The following GALNT9 variants were observed in gnomAD, a reference collection of about 807,000 sequenced individuals.
The protein encoded by GALNT9 is polypeptide N-acetylgalactosaminyltransferase 9, also known as GalNAc transferase 9.
In GALNT9, 47 loss-of-function variants were observed where a neutral mutation model predicts 63.1. That is an observed-to-expected ratio of 0.75 (90% confidence interval 0.59 to 0.95). The LOEUF is 0.95. GALNT9 is among the 40% of genes least tolerant of loss of function. The probability of loss-of-function intolerance (pLI) is 0.00; values close to 1 mark genes in which losing one functional copy is unlikely to be tolerated. For synonymous variants in GALNT9, 396 were observed against 365.7 expected, an observed-to-expected ratio of 1.08 and a Z score of -0.94; for missense variants, 829 against 874.8, an observed-to-expected ratio of 0.95 and a Z score of 0.66.
chr12:132,239,092 G>T (rs1878106411), intron 6 of GALNT9, among the ~76,000 whole-genome samples: 3 of 151,854 alleles, frequency 2.0e-5, no homozygotes, highest in Admixed American at 2.0e-4. Flanking sequence ...AGAGAACGGG[G>T]GTACTTTTCA....
intron 6 of GALNT9, among the ~76,000 whole-genome samples, chr12:132,237,384 C>A (rs1364009887): frequency 6.6e-6 from 1 of 151,772 alleles, no homozygotes; most frequent in Non-Finnish European, 1.5e-5. Flanking sequence ...CTGCTTATAC[C>A]GTACACAGGT....
Position 132,329,185 on chromosome 12 carries a change from T to C in GALNT9, c.19A>G (p.Ile7Val). The C allele has an allele frequency of 1.3e-6, 2 of 1,548,132 alleles. No individual in the cohort carries two copies. Among genetic ancestry groups the C allele is most frequent in the Non-Finnish European group, 1.7e-6 (2 of 1,145,728 alleles). ...ATGTTCACCGTCAGCAAAGTTCGGA[T>C]CTTCCTGGCCACCGCCATGAACACG... The part of the protein sequence containing the change: MAVARK[I>V]RTLLTVNILV... Residue 7 changes from isoleucine to valine, a missense_variant, in exon 1 of 11, where the codon ATC (isoleucine) becomes GTC (valine). Physicochemically the swap from Ile to Val is conservative, Grantham distance 29 (BLOSUM62 3). Coordinates refer to ENST00000328957, the MANE Select transcript of GALNT9 (RefSeq NM_001122636.2).
intron 4 of GALNT9, among the ~76,000 whole-genome samples, chr12:132,259,831 A>G (rs1879296025): frequency 6.6e-6 from 1 of 152,220 alleles, no homozygotes; most frequent in Non-Finnish European, 1.5e-5. Flanking sequence ...CCCTGAGTTG[A>G]AAAATGAGTC....
chr12:132,303,088 G>C (rs555830356), intron 1 of GALNT9, among the ~76,000 whole-genome samples: 4 of 151,868 alleles, frequency 2.6e-5, no homozygotes, highest in Admixed American at 2.6e-4. Context: ...TCTCTCTCTC[G>C]GGAAAGCCTC....
At chr12:132,253,077 A>T (rs1555238729) in intron 5 of GALNT9, among the ~76,000 whole-genome samples, 1 of 152,184 alleles carries the variant, frequency 6.6e-6, no homozygotes, top group African/African-American at 2.4e-5. Context: ...GAAGGCAGCA[A>T]ATGTCAGCGT....
intron 6 of GALNT9, among the ~76,000 whole-genome samples, chr12:132,225,655 ACC>A (rs1218916943): frequency 4.1e-4 from 58 of 141,502 alleles, no homozygotes; most frequent in African/African-American, 1.4e-3. Context: ...GTATATACAC[ACC>A]CCACACACAC....
chr12:132,213,983 C>A (rs549335399), intron 6 of GALNT9, among the ~76,000 whole-genome samples: 4 of 152,202 alleles, frequency 2.6e-5, no homozygotes, highest in Non-Finnish European at 4.4e-5. Flanking sequence ...TCCAGGGACA[C>A]CCGCGACTCC....
intron 1 of GALNT9, among the ~76,000 whole-genome samples, chr12:132,325,951 G>A (rs550513732): frequency 3.9e-5 from 6 of 152,388 alleles, no homozygotes; most frequent in African/African-American, 1.4e-4. Context: ...CGACGCGGGC[G>A]ACCGTGCTCC....
intron 1 of GALNT9, among the ~76,000 whole-genome samples, chr12:132,288,966 G>A (rs930385546): frequency 3.9e-5 from 6 of 152,154 alleles, no homozygotes; most frequent in South Asian, 4.1e-4. Context: ...CCCAATGCCC[G>A]GCGTTCTGAG....
At chr12:132,203,901 C>T (rs1428347914) in intron 6 of GALNT9, among the ~76,000 whole-genome samples, 3 of 151,982 alleles carry the variant, frequency 2.0e-5, no homozygotes, top group Non-Finnish European at 2.9e-5. Context: ...TGGGTTGCGT[C>T]CTCTCTGGGA....
rs1387849366 is a variant in GALNT9 at position 132,245,584 on chromosome 12, C to T, written c.1077+2326G>A. Among the ~76,000 whole-genome samples, 1 of 151,548 alleles carries T rather than the reference C, an allele frequency of 6.6e-6. No homozygotes were observed. The highest frequency in any genetic ancestry group is 1.5e-5 in the Non-Finnish European group (1 of 67,886). On this transcript the variant is annotated intron_variant, in intron 6 of 10. Transcript: ENST00000328957. The surrounding 1 kb of genome is among the most constrained non-coding windows in gnomAD (Gnocchi z 6.3). The stretch of plus-strand genomic sequence containing the variant: ...AGCCAGGGCCCTCCGTGGTCCGGCA[C>T]CCACACCCCCAGCCCAGCCTGCTGA...
Position 132,265,896 on chromosome 12 carries a change from G to A in GALNT9, c.420-3271C>T, listed in dbSNP as rs887438562. On this transcript the variant is annotated intron_variant, in intron 2 of 10. Coordinates refer to ENST00000328957, the MANE Select transcript of GALNT9 (RefSeq NM_001122636.2). The surrounding 1 kb of genome is among the most constrained non-coding windows in gnomAD (Gnocchi z 5.3). ...ATATGTAATGATACATGCAGTGTGT[G>A]TTGGAGCATGTAGGTACTGAGCATG... Among the ~76,000 whole-genome samples the A allele has an allele frequency of 6.6e-6, 1 of 152,350 alleles. No homozygotes were observed. The highest frequency in any genetic ancestry group is 2.1e-4 in the South Asian group (1 of 4,826).
chr12:132,278,041 A>G (rs1555241375), intron 2 of GALNT9: 1 of 124,786 alleles, frequency 8.0e-6, no homozygotes, highest in Admixed American at 8.0e-5. Context: ...GTTTTTCTAA[A>G]CTCCTCCTCC....
At chr12:132,269,643 A>G (rs1235280987) in intron 2 of GALNT9, among the ~76,000 whole-genome samples, 1 of 152,196 alleles carries the variant, frequency 6.6e-6, no homozygotes, top group Non-Finnish European at 1.5e-5. Flanking sequence ...GACCGTGAAG[A>G]AAGCAGGAAT....
rs1869076269 is a variant in GALNT9 at position 132,327,264 on chromosome 12, G to A, written c.238+1702C>T. Among the ~76,000 whole-genome samples the A allele has an allele frequency of 6.7e-6, 1 of 149,606 alleles. No homozygotes were observed. On this transcript the variant is annotated intron_variant, in intron 1 of 10. Coordinates refer to ENST00000328957, the MANE Select transcript of GALNT9 (RefSeq NM_001122636.2). The surrounding 1 kb of genome is among the most constrained non-coding windows in gnomAD (Gnocchi z 4.3). ...GGGGACAGAGGACAGGAGGAAGCGG[G>A]ATGGGAGAAGGCAGTGGGGGCGGTG...
In GALNT9 at chr12:132,296,301, AG is replaced by A. The variant is rs1555243242; in HGVS notation, c.239-9872del. ...AGCCTCATGCTCACGCCAGCCGTCC[AG>A]CCCACTCAGACCAGCGGACACAGGT... On this transcript the variant is annotated intron_variant, in intron 1 of 10. Coordinates refer to ENST00000328957, the MANE Select transcript of GALNT9 (RefSeq NM_001122636.2). The surrounding 1 kb of genome is among the most constrained non-coding windows in gnomAD (Gnocchi z 4.2). Among the ~76,000 whole-genome samples, 1 of 152,250 alleles carries A rather than the reference AG, an allele frequency of 6.6e-6. No individual in the cohort carries two copies.
Position 132,319,691 on chromosome 12 carries a change from TCCGCCACACACACAGCTGTAC to T in GALNT9, c.238+9254_238+9274del, listed in dbSNP as rs2135590291. Among the ~76,000 whole-genome samples the T allele has an allele frequency of 6.6e-6, 1 of 152,214 alleles. No individual in the cohort carries two copies. The highest frequency in any genetic ancestry group is 1.5e-5 in the Non-Finnish European group (1 of 68,016). On this transcript the variant is annotated intron_variant, in intron 1 of 10. Coordinates refer to ENST00000328957, the MANE Select transcript of GALNT9 (RefSeq NM_001122636.2). This position sits in a 1 kb window ranked among gnomAD's most constrained non-coding sequence, Gnocchi z 5.2. ...CGTCTGGGGCAGGTCAACACCCCAC[TCCGCCACACACACAGCTGTAC>T]CCGGCACAACACGCGGCCACAGGTC...
intron 1 of GALNT9, among the ~76,000 whole-genome samples, chr12:132,301,125 T>C (rs960723428): frequency 7.9e-5 from 12 of 152,232 alleles, no homozygotes; most frequent in African/African-American, 2.4e-4. Context: ...TTTGGGCCCA[T>C]GGCCAGGAGG....
At chr12:132,280,720 G>C (rs540655313) in intron 2 of GALNT9, 1 of 152,144 alleles carries the variant, frequency 6.6e-6, no homozygotes. Flanking sequence ...ACAAGACCCC[G>C]GGGAAGAGAC....
Sources: gnomAD v4.1 joint callset for allele counts (sites outside exome capture counted in the v4.1 genomes callset) on GRCh38, gnomAD v4.1.1 for gene constraint, Gnocchi (gnomAD v3.1) non-coding constraint, MANE v1.5 for transcripts, NCBI Gene and HGNC (gene_info 2026-07-23, HGNC 2026-07-21) for gene names.